TMIGD3: variants seen among roughly 807,000 people sequenced by gnomAD.
TMIGD3 encodes transmembrane and immunoglobulin domain containing 3, also known as AD026 protein (AD026).
TMIGD3 carries 21 observed loss-of-function variants against 28.1 expected under a neutral mutation model. The ratio of observed to expected loss-of-function variants is 0.75; its 90% CI spans 0.53 to 1.08. TMIGD3 has a LOEUF of 1.08. Ranked by LOEUF, TMIGD3 falls within the 50% of genes least tolerant of loss-of-function variation. The pLI is 0.00. For synonymous variants in TMIGD3, 151 were observed against 162.1 expected (o/e 0.93, Z 0.52); for missense variants, 416 against 435.6 (o/e 0.96, Z 0.40).
chr1:111,550,979 G>A (rs149743891), intron 1 of TMIGD3, among the ~76,000 whole-genome samples: 1 of 151,394 alleles, frequency 6.6e-6, no homozygotes, highest in East Asian at 1.9e-4. Flanking sequence ...ATTATAAAAT[G>A]TTCTTCTTTG....
At chr1:111,496,652 C>T (rs935761608) in intron 1 of TMIGD3, among the ~76,000 whole-genome samples, 1 of 152,182 alleles carries the variant, frequency 6.6e-6, no homozygotes, top group African/African-American at 2.4e-5. Context: ...AGCACTGAAC[C>T]ACTTGTAGTC....
intron 1 of TMIGD3, among the ~76,000 whole-genome samples, chr1:111,533,317 T>C (rs964193401): frequency 2.6e-5 from 4 of 152,230 alleles, no homozygotes; most frequent in Non-Finnish European, 5.9e-5. Flanking sequence ...TATTTTTAAC[T>C]AGGCTACCAC....
At chr1:111,535,680 G>A (rs556431560) in intron 1 of TMIGD3, among the ~76,000 whole-genome samples, 119 of 152,320 alleles carry the variant, frequency 7.8e-4, no homozygotes, top group African/African-American at 2.7e-3. Context: ...AATGAGGGCC[G>A]ATAACTCCGT....
At chr1:111,539,901 G>C (rs572735041) in intron 1 of TMIGD3, among the ~76,000 whole-genome samples, 1 of 152,278 alleles carries the variant, frequency 6.6e-6, no homozygotes, top group South Asian at 2.1e-4. Context: ...CTAAAAGACA[G>C]ACATTAGAAA....
At chr1:111,524,928 A>T (rs565591866) in intron 1 of TMIGD3, among the ~76,000 whole-genome samples, 1 of 152,038 alleles carries the variant, frequency 6.6e-6, no homozygotes, top group East Asian at 1.9e-4. Context: ...CCTCTAATTT[A>T]CCTTTTGATT....
intron 1 of TMIGD3, among the ~76,000 whole-genome samples, chr1:111,550,120 G>C (rs1457694259): frequency 9.2e-5 from 14 of 152,090 alleles, no homozygotes; most frequent in Non-Finnish European, 1.5e-5. Flanking sequence ...TCATGCAATT[G>C]CTCATAGTAT....
chr1:111,517,029 T>C (rs1417709480), intron 1 of TMIGD3, among the ~76,000 whole-genome samples: 3 of 152,214 alleles, frequency 2.0e-5, no homozygotes, highest in African/African-American at 7.2e-5. Flanking sequence ...CAGACTATTA[T>C]GGCCCCATCC....
intron 1 of TMIGD3, among the ~76,000 whole-genome samples, chr1:111,519,239 C>G (rs1184618561): frequency 6.6e-6 from 1 of 152,082 alleles, no homozygotes; most frequent in Non-Finnish European, 1.5e-5. Flanking sequence ...GCAACCAGCC[C>G]CAACTAGGAA....
chr1:111,486,336 T>C (rs1265243983), intron 4 of TMIGD3, among the ~76,000 whole-genome samples: 1 of 152,030 alleles, frequency 6.6e-6, no homozygotes, highest in African/African-American at 2.4e-5. Flanking sequence ...TTATGATAAA[T>C]GTCCCCTTTT....
chr1:111,514,737 G>A (rs1161483444), intron 1 of TMIGD3, among the ~76,000 whole-genome samples: 1 of 151,976 alleles, frequency 6.6e-6, no homozygotes, highest in Non-Finnish European at 1.5e-5. Context: ...CAGGAGCCAT[G>A]TTCAGACTTC....
chr1:111,522,518 C>CTTTT (rs1375113931), intron 1 of TMIGD3, among the ~76,000 whole-genome samples: 3 of 135,686 alleles, frequency 2.2e-5, no homozygotes, highest in African/African-American at 8.1e-5. Flanking sequence ...TTGTTTGTTG[C>CTTTT]TTTTTTTTTT....
At chr1:111,533,806 C>G (rs1325511168) in intron 1 of TMIGD3, among the ~76,000 whole-genome samples, 3 of 152,152 alleles carry the variant, frequency 2.0e-5, no homozygotes, top group Non-Finnish European at 4.4e-5. Context: ...CCACCCACCT[C>G]GGCCCCTAAA....
chr1:111,552,556 AT>A (rs912341326), intron 1 of TMIGD3, among the ~76,000 whole-genome samples: 1 of 152,146 alleles, frequency 6.6e-6, no homozygotes, highest in African/African-American at 2.4e-5. Context: ...ATAATTCACC[AT>A]TTTTTTATCC....
intron 4 of TMIGD3, among the ~76,000 whole-genome samples, 160 bp from the exon 5 acceptor site, chr1:111,486,000 G>A (rs924915132): frequency 6.6e-6 from 1 of 151,844 alleles, no homozygotes; most frequent in Non-Finnish European, 1.5e-5. Context: ...CCTGTCCTTT[G>A]GACCACCCTC....
chr1:111,530,932 T>C (rs1656437966), intron 1 of TMIGD3, among the ~76,000 whole-genome samples: 1 of 152,234 alleles, frequency 6.6e-6, no homozygotes, highest in South Asian at 2.1e-4. Context: ...CATCCCTATT[T>C]CTCCTCTCCT....
chr1:111,525,040 G>A (rs1656217701), intron 1 of TMIGD3, among the ~76,000 whole-genome samples: 1 of 152,184 alleles, frequency 6.6e-6, no homozygotes, highest in African/African-American at 2.4e-5. Context: ...AATTCCATGT[G>A]TTGAGAGAAC....
chr1:111,488,963 G>C lies in TMIGD3; in HGVS notation c.519C>G (p.Ile173Met). ...TCTTGTAGTGGGCATTGTAGTTGCA[G>C]ATGGCAGAAGCCGTGTCCAGCACAA... ...RSFVLDTASA[I>M]CNYNAHYKNH... Residue 173 changes from isoleucine to methionine, a missense_variant, in exon 3 of 6, where the codon ATC (isoleucine) becomes ATG (methionine). Transcript: ENST00000369716. The C allele has an allele frequency of 6.2e-7, 1 of 1,614,178 alleles. No individual in the cohort carries two copies.
intron 1 of TMIGD3, among the ~76,000 whole-genome samples, chr1:111,537,335 G>A (rs1320702272): frequency 1.3e-5 from 2 of 152,328 alleles, no homozygotes; most frequent in African/African-American, 4.8e-5. Context: ...GTCCAACAGA[G>A]TGGAGGAGCT....
intron 2 of TMIGD3, 138 bp downstream of exon 2, chr1:111,490,518 C>T (rs1426546668): frequency 2.2e-5 from 14 of 627,808 alleles, no homozygotes; most frequent in East Asian, 5.5e-5. Context: ...CTATTTTCAT[C>T]GCCTTTTATT....
Sources: allele counts gnomAD v4.1 joint callset (sites outside exome capture counted in the v4.1 genomes callset), GRCh38; gene constraint gnomAD v4.1.1; transcripts MANE v1.5; gene names NCBI Gene and HGNC (gene_info 2026-07-23, HGNC 2026-07-21).